Variants in CCBE1 observed in about 807,000 individuals in gnomAD.
CCBE1 encodes collagen and calcium-binding EGF domain-containing protein 1.
A neutral mutation model predicts 50.0 loss-of-function variants in CCBE1; 37 were observed. The observed-to-expected ratio is 0.74, with a 90% confidence interval of 0.57 to 0.97. CCBE1 has a LOEUF of 0.97. CCBE1 is among the 50% of genes least tolerant of loss of function. The pLI, the probability that CCBE1 is intolerant of heterozygous loss-of-function variation, is 0.00. For synonymous variants in CCBE1, 234 were observed against 203.7 expected (o/e 1.15, Z -1.27); for missense variants, 538 against 523.8 (o/e 1.03, Z -0.26).
At chr18:59,561,317 T>C (rs1172636469) in intron 2 of CCBE1, among the ~76,000 whole-genome samples, 1 of 152,230 alleles carries the variant, frequency 6.6e-6, no homozygotes, top group East Asian at 1.9e-4. Context: ...TGGGCCTGCA[T>C]GCCCAAAATT....
intron 2 of CCBE1, among the ~76,000 whole-genome samples, chr18:59,669,000 A>G (rs1197297259): frequency 3.3e-5 from 5 of 151,506 alleles, no homozygotes; most frequent in African/African-American, 1.2e-4. Context: ...CACCTGGCTA[A>G]TTTTTGTATT....
intron 2 of CCBE1, among the ~76,000 whole-genome samples, chr18:59,517,441 T>A (rs1382483317): frequency 6.6e-6 from 1 of 152,220 alleles, no homozygotes; most frequent in Non-Finnish European, 1.5e-5. Flanking sequence ...TGATGGCAAT[T>A]TTGGCTCTGT....
chr18:59,583,654 CGT>C (rs752150539), intron 2 of CCBE1, among the ~76,000 whole-genome samples: 6,346 of 142,058 alleles, frequency 0.045, 171 homozygotes, highest in East Asian at 0.075. Flanking sequence ...CACTGCTTTG[CGT>C]GTGTGTGTGT....
chr18:59,487,633 AC>A (rs945960239), intron 2 of CCBE1, among the ~76,000 whole-genome samples: 4 of 152,138 alleles, frequency 2.6e-5, no homozygotes, highest in Non-Finnish European at 4.4e-5. Flanking sequence ...ACCCACCACC[AC>A]CAAAACCTGC....
At chr18:59,645,419 GA>G (rs2054043176) in intron 2 of CCBE1, among the ~76,000 whole-genome samples, 1 of 152,064 alleles carries the variant, frequency 6.6e-6, no homozygotes, top group South Asian at 2.1e-4. Context: ...GCTTCTCAGT[GA>G]GAAAAAAAAG....
rs554968525 is a variant in CCBE1, at chr18:59,651,559, A to G, written c.212+45070T>C. ...CCTTCTGAGAATCAAAGAATGTGTT[A>G]GCTATGGCTCAGCAGACCTTAGCAA... On this transcript the variant is annotated intron_variant, in intron 2 of 10. Transcript: ENST00000439986. 2.0e-5 allele frequency among the ~76,000 whole-genome samples: 3 copies of G among 152,352 alleles called. No homozygotes were observed. The East Asian group carries it at 5.8e-4, about 29-fold the overall frequency.
At chr18:59,587,745 A>G (rs1429590) in intron 2 of CCBE1, among the ~76,000 whole-genome samples, 13,583 of 152,264 alleles carry the variant, frequency 0.089, 636 homozygotes, top group East Asian at 0.13. Context: ...GAAAAATAAA[A>G]TTTATCTTAA....
rs547559905 is a variant in CCBE1 at position 59,694,182 on chromosome 18, T to TA, written c.212+2446dup. 9.9e-5 allele frequency among the ~76,000 whole-genome samples: 15 copies of TA among 152,162 alleles called. No individual in the cohort carries two copies. The East Asian group carries it at 2.3e-3, about 23-fold the overall frequency. On this transcript the variant is annotated intron_variant, in intron 2 of 10. Coordinates refer to ENST00000439986, the MANE Select transcript of CCBE1 (RefSeq NM_133459.4). ...ACCGCACCCGGCCTAGTAACTTTTT[T>TA]AAAGTCATTTTTAAACACACTTCAA...
At chr18:59,470,560 G>C (rs1031095921) in intron 3 of CCBE1, among the ~76,000 whole-genome samples, 1 of 152,120 alleles carries the variant, frequency 6.6e-6, no homozygotes, top group Non-Finnish European at 1.5e-5. Context: ...TGAATGGCTA[G>C]AGGTCTCTTT....
intron 7 of CCBE1, among the ~76,000 whole-genome samples, chr18:59,444,788 A>G (rs1186710358): frequency 6.6e-6 from 1 of 151,948 alleles, no homozygotes; most frequent in Admixed American, 6.5e-5. Context: ...TTGGTTTGCA[A>G]TGCTCTAATG....
intron 2 of CCBE1, among the ~76,000 whole-genome samples, chr18:59,492,280 A>G (rs1355771705): frequency 6.6e-6 from 1 of 152,082 alleles, no homozygotes; most frequent in African/African-American, 2.4e-5. Context: ...AATTACCTAC[A>G]ACAGCTGCGT....
At chr18:59,485,574 G>A (rs7228043) in intron 2 of CCBE1, among the ~76,000 whole-genome samples, 11,602 of 134,698 alleles carry the variant, frequency 0.086, 899 homozygotes, top group East Asian at 0.35. Context: ...TCATGCGCCA[G>A]ATATATCAGA....
At chr18:59,639,335 T>C (rs745588056) in intron 2 of CCBE1, among the ~76,000 whole-genome samples, 1 of 152,138 alleles carries the variant, frequency 6.6e-6, no homozygotes, top group Non-Finnish European at 1.5e-5. Flanking sequence ...GCAAGGATGA[T>C]TCAACATATG....
chr18:59,625,524 T>TAGAGAAAAATTAAAAGC (rs2144615338), intron 2 of CCBE1, among the ~76,000 whole-genome samples: 1 of 151,700 alleles, frequency 6.6e-6, no homozygotes, highest in Admixed American at 6.5e-5. Context: ...GAAGCTGTAT[T>TAGAGAAAAATTAAAAGC]AGAGAAAAAT....
intron 2 of CCBE1, among the ~76,000 whole-genome samples, chr18:59,536,108 C>T (rs1009654542): frequency 1.3e-5 from 2 of 152,196 alleles, no homozygotes; most frequent in Non-Finnish European, 2.9e-5. Flanking sequence ...TTGTAAAGGT[C>T]TGAAATAATT....
chr18:59,646,476 G>T (rs1323208073), intron 2 of CCBE1, among the ~76,000 whole-genome samples: 1 of 152,200 alleles, frequency 6.6e-6, no homozygotes, highest in Non-Finnish European at 1.5e-5. Context: ...CCCAGGGCAT[G>T]CTGGTGAGAG....
intron 2 of CCBE1, among the ~76,000 whole-genome samples, chr18:59,682,502 C>CA (rs562620854): frequency 6.9e-6 from 1 of 145,110 alleles, no homozygotes; most frequent in African/African-American, 2.9e-5. Flanking sequence ...GAAACAGAGA[C>CA]CCCCCCCTTT....
At chr18:59,574,434 G>T (rs1370103856) in intron 2 of CCBE1, among the ~76,000 whole-genome samples, 1 of 152,134 alleles carries the variant, frequency 6.6e-6, no homozygotes, top group African/African-American at 2.4e-5. Flanking sequence ...TAGAGAAACG[G>T]GGTCTATATC....
chr18:59,488,090 A>C (rs1015727757), intron 2 of CCBE1, among the ~76,000 whole-genome samples: 4 of 152,230 alleles, frequency 2.6e-5, no homozygotes, highest in Admixed American at 6.5e-5. Context: ...CCCAACACAA[A>C]AGGAGAAATA....
Sources: allele counts gnomAD v4.1 joint callset (sites outside exome capture counted in the v4.1 genomes callset), GRCh38; gene constraint gnomAD v4.1.1; transcripts MANE v1.5; gene names NCBI Gene and HGNC (gene_info 2026-07-23, HGNC 2026-07-21).